The following GPHN variants were observed in gnomAD, a reference collection of about 807,000 sequenced individuals.
GPHN encodes gephyrin.
GPHN carries 17 observed loss-of-function variants against 95.5 expected under a neutral mutation model. The ratio of observed to expected loss-of-function variants is 0.18; its 90% CI spans 0.12 to 0.27. The LOEUF (loss-of-function observed/expected upper bound fraction) is 0.27, where lower values mean the gene tolerates loss of function less well. Among genes scored for constraint, GPHN ranks in the 10% least tolerant of loss-of-function variants. GPHN has a pLI of 1.00. For missense variants in GPHN, 660 were observed against 978.1 expected (o/e 0.67, Z 4.34); for synonymous variants, 320 against 322.5 (o/e 0.99, Z 0.08).
At chr14:67,727,412 C>A in the GPHN span, 1 of 534,028 alleles carries the variant, frequency 1.9e-6, no homozygotes, top group Non-Finnish European at 3.4e-6. Flanking sequence ...GTATTTGTGT[C>A]ACATCTTATC....
At chr14:67,229,212 C>T in the GPHN span, among the ~76,000 whole-genome samples, 6 of 152,348 alleles carry the variant, frequency 3.9e-5, no homozygotes, top group South Asian at 1.2e-3. Flanking sequence ...ATTTGCGATT[C>T]ACATTAGAAC....
chr14:66,736,123 T>G (rs1234525453), intron 2 of GPHN, among the ~76,000 whole-genome samples: 1 of 152,202 alleles, frequency 6.6e-6, no homozygotes, highest in African/African-American at 2.4e-5. Context: ...ATTGTGGATT[T>G]TATTACTGTA....
the GPHN span, among the ~76,000 whole-genome samples, chr14:67,342,894 C>A: frequency 9.9e-5 from 15 of 151,900 alleles, no homozygotes; most frequent in Non-Finnish European, 1.9e-4. Flanking sequence ...CAACACTAAG[C>A]AGTCATATTT....
intron 1 of GPHN, among the ~76,000 whole-genome samples, chr14:66,510,744 G>A (rs939802700): frequency 2.6e-5 from 4 of 152,238 alleles, no homozygotes; most frequent in Middle Eastern, 3.4e-3. Flanking sequence ...TAAATATATA[G>A]TTGATGATGA....
intron 1 of GPHN, among the ~76,000 whole-genome samples, chr14:66,517,344 G>A (rs2058290363): frequency 6.6e-6 from 1 of 152,038 alleles, no homozygotes; most frequent in Admixed American, 6.5e-5. Flanking sequence ...GGATTAAACT[G>A]CAAGTGGGCA....
chr14:66,610,569 T>A (rs1232559493), intron 1 of GPHN, among the ~76,000 whole-genome samples: 2 of 152,122 alleles, frequency 1.3e-5, no homozygotes, highest in Non-Finnish European at 2.9e-5. Context: ...CTCAAATCCT[T>A]CTTCAAGCCA....
chr14:67,111,867 G>A lies in GPHN; in HGVS notation c.1420G>A (p.Glu474Lys). The stretch of plus-strand genomic sequence containing the variant: ...TGACCGGCTGTTATTATAGGGCACT[G>A]AAGAACTTGAAGTGCGAATTCTGGT... ...ELIRESDDGT[E>K]ELEVRILVQA... Residue 474 changes from glutamate (E) to lysine (K), a missense_variant, in exon 15 of 23, where the codon GAA becomes AAA. This residue lies in a region of GPHN where 257 missense variants were observed against 376.2 expected (regional missense o/e 0.68). Transcript: ENST00000478722. 1 of 1,612,450 alleles carries A rather than the reference G, an allele frequency of 6.2e-7. No homozygotes were observed. Among genetic ancestry groups the A allele is most frequent in the Non-Finnish European group, 8.5e-7 (1 of 1,178,496 alleles).
the GPHN span, chr14:67,729,231 C>T: frequency 6.2e-7 from 1 of 1,611,476 alleles, no homozygotes; most frequent in Non-Finnish European, 8.5e-7. Context: ...CAGGCGTCGT[C>T]CGCTCTGAGC....
chr14:67,025,804 C>T (rs2073894354), intron 10 of GPHN, among the ~76,000 whole-genome samples: 1 of 152,106 alleles, frequency 6.6e-6, no homozygotes, highest in Non-Finnish European at 1.5e-5. Context: ...CTGAAATTGC[C>T]ATGCCATTAT....
chr14:66,540,477 ATAAAT>A (rs2059316116), intron 1 of GPHN, among the ~76,000 whole-genome samples: 1 of 152,202 alleles, frequency 6.6e-6, no homozygotes, highest in Admixed American at 6.5e-5. Flanking sequence ...CTAATTGAAA[ATAAAT>A]TAAATAGAGA....
At chr14:67,423,041 C>T in the GPHN span, among the ~76,000 whole-genome samples, 1 of 151,830 alleles carries the variant, frequency 6.6e-6, no homozygotes. Flanking sequence ...TCATGTTGTT[C>T]AGGCTGGTCT....
At chr14:67,040,706 A>G (rs1335708530) in intron 10 of GPHN, among the ~76,000 whole-genome samples, 3 of 152,092 alleles carry the variant, frequency 2.0e-5, no homozygotes, top group Non-Finnish European at 2.9e-5. Flanking sequence ...TATTTTGTAC[A>G]ATGTCCCTCA....
At chr14:66,586,207 G>A (rs138046156) in intron 1 of GPHN, among the ~76,000 whole-genome samples, 2,817 of 135,896 alleles carry the variant, frequency 0.021, 80 homozygotes, top group African/African-American at 0.089. Context: ...GACTAGGATT[G>A]CAACCCCTTC....
At chr14:66,789,410 C>T (rs77883634) in intron 3 of GPHN, among the ~76,000 whole-genome samples, 1 of 152,190 alleles carries the variant, frequency 6.6e-6, no homozygotes, top group Admixed American at 6.5e-5. Flanking sequence ...GAGCTCTTTC[C>T]TATGTAAACA....
chr14:67,105,127 T>C (rs1257567268), intron 13 of GPHN, among the ~76,000 whole-genome samples: 1 of 152,144 alleles, frequency 6.6e-6, no homozygotes, highest in Non-Finnish European at 1.5e-5. Flanking sequence ...TTGTAATTTC[T>C]ACATGTTTGT....
chr14:67,039,639 A>T (rs997952486), intron 10 of GPHN, among the ~76,000 whole-genome samples: 3 of 152,152 alleles, frequency 2.0e-5, no homozygotes, highest in South Asian at 4.1e-4. Context: ...ATCAAAAATT[A>T]AAAAATTAGT....
chr14:66,931,136 T>A (rs1279331432), intron 8 of GPHN, among the ~76,000 whole-genome samples: 2 of 144,804 alleles, frequency 1.4e-5, no homozygotes, highest in Non-Finnish European at 2.9e-5. Context: ...TTTTGTAGGA[T>A]AAAAGTTTTT....
the GPHN span, chr14:67,340,439 C>T: frequency 6.2e-7 from 1 of 1,613,032 alleles, no homozygotes; most frequent in Non-Finnish European, 8.5e-7. Flanking sequence ...TTTCAACAAA[C>T]CTATAGAACT....
chr14:66,777,626 C>T (rs368332224), intron 3 of GPHN, among the ~76,000 whole-genome samples: 2,323 of 152,108 alleles, frequency 0.015, 28 homozygotes, highest in Non-Finnish European at 0.018. Flanking sequence ...TTATCCACCA[C>T]GATCAAGTGG....
Sources: allele counts gnomAD v4.1 joint callset (sites outside exome capture counted in the v4.1 genomes callset), GRCh38; gene constraint gnomAD v4.1.1; regional missense constraint gnomAD v4.1.1; transcripts MANE v1.5; gene names NCBI Gene and HGNC (gene_info 2026-07-23, HGNC 2026-07-21).